The following SLC24A2 variants were observed in gnomAD, a reference collection of about 807,000 sequenced individuals.
The protein encoded by SLC24A2 is sodium/potassium/calcium exchanger 2.
Under a neutral mutation model 62.0 loss-of-function variants are expected in SLC24A2, and 36 were observed. The observed-to-expected ratio is 0.58, with a 90% CI of 0.44 to 0.77. The LOEUF (loss-of-function observed/expected upper bound fraction) is 0.77, where lower values mean the gene tolerates loss of function less well. Ranked by LOEUF, SLC24A2 falls within the 30% of genes least tolerant of loss-of-function variation. The probability of loss-of-function intolerance (pLI) is 0.00; values close to 1 mark genes in which losing one functional copy is unlikely to be tolerated. For missense variants in SLC24A2, 846 were observed against 817.9 expected, an observed-to-expected ratio of 1.03 and a Z score of -0.42; for synonymous variants, 358 against 294.0, an observed-to-expected ratio of 1.22 and a Z score of -2.23.
chr9:20,223,702 G>A, the SLC24A2 span, among the ~76,000 whole-genome samples: 4 of 152,216 alleles, frequency 2.6e-5, no homozygotes, highest in East Asian at 7.7e-4. Flanking sequence ...GATATATAGT[G>A]GATGTGGCTT....
the SLC24A2 span, among the ~76,000 whole-genome samples, chr9:19,858,122 A>C: frequency 3.3e-5 from 5 of 152,226 alleles, no homozygotes; most frequent in Admixed American, 3.3e-4. Context: ...AGGCTACAGT[A>C]ATCAAAACAG....
the SLC24A2 span, among the ~76,000 whole-genome samples, chr9:20,302,233 G>T: frequency 1.3e-5 from 2 of 152,042 alleles, no homozygotes; most frequent in East Asian, 1.9e-4. Flanking sequence ...AGCTCCTTTG[G>T]GTAGCTACCA....
intron 2 of SLC24A2, among the ~76,000 whole-genome samples, chr9:19,642,391 G>T (rs145269011): frequency 1.3e-5 from 2 of 152,166 alleles, no homozygotes; most frequent in South Asian, 4.1e-4. Context: ...AGCAGACAGG[G>T]TTGGTGACAA....
At chr9:20,123,615 T>C in the SLC24A2 span, among the ~76,000 whole-genome samples, 1 of 152,274 alleles carries the variant, frequency 6.6e-6, no homozygotes, top group East Asian at 1.9e-4. Context: ...AACTGTACAA[T>C]AGAAAAAATA....
At chr9:19,667,537 A>G (rs1449490295) in intron 2 of SLC24A2, among the ~76,000 whole-genome samples, 1 of 152,072 alleles carries the variant, frequency 6.6e-6, no homozygotes, top group East Asian at 1.9e-4. Context: ...TTGAACTTCC[A>G]TCATAGCCCC....
At chr9:20,293,247 T>C in the SLC24A2 span, among the ~76,000 whole-genome samples, 1 of 152,196 alleles carries the variant, frequency 6.6e-6, no homozygotes, top group Non-Finnish European at 1.5e-5. Flanking sequence ...CAACATATCT[T>C]TTTAAGGGGA....
chr9:20,035,077 T>A, the SLC24A2 span, among the ~76,000 whole-genome samples: 1 of 151,946 alleles, frequency 6.6e-6, no homozygotes, highest in South Asian at 2.1e-4. Context: ...TTACAGAAAT[T>A]GAGAAAAAAA....
chr9:20,256,152 C>T, the SLC24A2 span, among the ~76,000 whole-genome samples: 1 of 152,248 alleles, frequency 6.6e-6, no homozygotes, highest in Non-Finnish European at 1.5e-5. Flanking sequence ...GATCATCTCT[C>T]ATTAGGCCCC....
chr9:20,250,509 G>T, the SLC24A2 span, among the ~76,000 whole-genome samples: 1 of 152,158 alleles, frequency 6.6e-6, no homozygotes, highest in Non-Finnish European at 1.5e-5. Flanking sequence ...TCTCTCTGTT[G>T]CTCAGACACT....
the SLC24A2 span, among the ~76,000 whole-genome samples, chr9:20,183,866 G>C: frequency 7.5e-6 from 1 of 133,478 alleles, no homozygotes; most frequent in East Asian, 2.2e-4. Context: ...TGCAAACCTT[G>C]TATCACCTGC....
intron 2 of SLC24A2, among the ~76,000 whole-genome samples, chr9:19,703,241 C>G (rs949458924): frequency 6.6e-6 from 1 of 152,140 alleles, no homozygotes; most frequent in African/African-American, 2.4e-5. Flanking sequence ...ATACTGTATC[C>G]ATTTTACAGA....
the SLC24A2 span, among the ~76,000 whole-genome samples, chr9:20,212,569 T>C: frequency 6.6e-6 from 1 of 151,764 alleles, no homozygotes; most frequent in South Asian, 2.1e-4. Context: ...ATCTATACTA[T>C]GTATATATAT....
At chr9:20,247,823 CAA>C in the SLC24A2 span, among the ~76,000 whole-genome samples, 1 of 152,182 alleles carries the variant, frequency 6.6e-6, no homozygotes, top group African/African-American at 2.4e-5. Context: ...AGTTTGAATT[CAA>C]ACTTATTTAC....
At chr9:19,898,053 G>A in the SLC24A2 span, among the ~76,000 whole-genome samples, 2 of 152,336 alleles carry the variant, frequency 1.3e-5, 1 homozygote, top group Middle Eastern at 6.8e-3. Flanking sequence ...GAGTTGAGAA[G>A]TAAAGGCCTG....
At chr9:20,270,538 G>C in the SLC24A2 span, among the ~76,000 whole-genome samples, 2 of 152,246 alleles carry the variant, frequency 1.3e-5, no homozygotes, top group South Asian at 2.1e-4. Context: ...GCTGTTTCTT[G>C]GTTGCCTTCT....
At chr9:19,541,850 T>G (rs1343660201) in intron 8 of SLC24A2, among the ~76,000 whole-genome samples, 1 of 151,460 alleles carries the variant, frequency 6.6e-6, no homozygotes, top group African/African-American at 2.4e-5. Flanking sequence ...GTGCTAGCAA[T>G]CAGCGAGATT....
At chr9:20,134,342 G>T in the SLC24A2 span, among the ~76,000 whole-genome samples, 1 of 152,090 alleles carries the variant, frequency 6.6e-6, no homozygotes, top group Non-Finnish European at 1.5e-5. Context: ...ACTTCTCAAG[G>T]AGGGTTTCCC....
intron 9 of SLC24A2, among the ~76,000 whole-genome samples, chr9:19,525,018 A>G (rs1328938509): frequency 1.3e-5 from 2 of 152,222 alleles, no homozygotes; most frequent in Admixed American, 6.5e-5. Context: ...CAGTCCTTTC[A>G]GCCTGGACAT....
the SLC24A2 span, among the ~76,000 whole-genome samples, chr9:20,273,612 C>T: frequency 6.6e-5 from 10 of 152,280 alleles, no homozygotes; most frequent in East Asian, 3.9e-4. Flanking sequence ...CCACATAAGA[C>T]GTGACTTGCT....
Sources: gnomAD v4.1 joint callset for allele counts (sites outside exome capture counted in the v4.1 genomes callset) on GRCh38, gnomAD v4.1.1 for gene constraint, MANE v1.5 for transcripts, NCBI Gene and HGNC (gene_info 2026-07-23, HGNC 2026-07-21) for gene names.